Variants in PREX2 observed in about 807,000 individuals in gnomAD.
The protein encoded by PREX2 is phosphatidylinositol-3,4,5-trisphosphate dependent Rac exchange factor 2.
PREX2 carries 107 observed loss-of-function variants against 203.2 expected under a neutral mutation model. That is an observed-to-expected ratio of 0.53 (90% confidence interval 0.45 to 0.62). The LOEUF (loss-of-function observed/expected upper bound fraction) is 0.62. Among genes scored for constraint, PREX2 ranks in the 20% least tolerant of loss-of-function variants. The pLI, the probability that PREX2 is intolerant of heterozygous loss-of-function variation, is 0.00. For synonymous variants in PREX2, 672 were observed against 663.6 expected (o/e 1.01, Z -0.19); for missense variants, 1,777 against 1,955.9 (o/e 0.91, Z 1.72).
At chr8:67,969,946 C>T (rs1383466045) in intron 1 of PREX2, among the ~76,000 whole-genome samples, 2 of 152,126 alleles carry the variant, frequency 1.3e-5, no homozygotes, top group South Asian at 2.1e-4. Context: ...AGTCTCACTC[C>T]GGTCTGAAAA....
At chr8:68,198,395 C>T (rs1171444002) in intron 37 of PREX2, among the ~76,000 whole-genome samples, 2 of 152,154 alleles carry the variant, frequency 1.3e-5, no homozygotes, top group Non-Finnish European at 2.9e-5. Flanking sequence ...ATTGAGTCAG[C>T]ACTGTGGCTT....
chr8:68,103,611 C>G (rs765733064), intron 23 of PREX2: 3 of 519,126 alleles, frequency 5.8e-6, no homozygotes, highest in Non-Finnish European at 1.2e-5. Flanking sequence ...TCATTACCCT[C>G]AACACACTCC....
At chr8:68,184,611 A>C (rs1812152584) in intron 35 of PREX2, among the ~76,000 whole-genome samples, 1 of 152,016 alleles carries the variant, frequency 6.6e-6, no homozygotes, top group African/African-American at 2.4e-5. Context: ...ATATCTCATA[A>C]GCAATGGTCT....
At chr8:68,057,189 C>T (rs1371117098) in intron 10 of PREX2, among the ~76,000 whole-genome samples, 4 of 152,104 alleles carry the variant, frequency 2.6e-5, no homozygotes, top group African/African-American at 7.2e-5. Context: ...AGGGGCTCTT[C>T]CTCCTTCACT....
intron 1 of PREX2, among the ~76,000 whole-genome samples, chr8:67,958,830 T>C (rs1563470214): frequency 6.6e-6 from 1 of 152,102 alleles, no homozygotes; most frequent in Non-Finnish European, 1.5e-5. Context: ...GGTAGTGTCA[T>C]TGACTGAGAA....
intron 8 of PREX2, among the ~76,000 whole-genome samples, chr8:68,051,168 ACACTTATGCGGTGGCAGGAG>A (rs1220534681): frequency 1.3e-5 from 2 of 152,092 alleles, no homozygotes; most frequent in Non-Finnish European, 2.9e-5. Flanking sequence ...GCCCCGGGGT[ACACTTATGCGGTGGCAGGAG>A]CATGACTTGA....
chr8:68,080,289 A>G (rs907562115), intron 15 of PREX2, among the ~76,000 whole-genome samples, 154 bp from the exon 16 acceptor site: 3 of 151,972 alleles, frequency 2.0e-5, no homozygotes, highest in African/African-American at 7.3e-5. Context: ...AGAGAAAAAA[A>G]ACAAAACCCG....
At chr8:68,185,827 C>T (rs1812178251) in intron 35 of PREX2, among the ~76,000 whole-genome samples, 1 of 148,414 alleles carries the variant, frequency 6.7e-6, no homozygotes, top group Non-Finnish European at 1.5e-5. Flanking sequence ...AGGAAACATA[C>T]TCTGCAGCCC....
intron 14 of PREX2, among the ~76,000 whole-genome samples, chr8:68,073,980 T>A (rs1809273399): frequency 6.6e-6 from 1 of 152,110 alleles, no homozygotes; most frequent in African/African-American, 2.4e-5. Flanking sequence ...GTTGCCTTTT[T>A]TTTTTTAGAC....
At chr8:67,954,167 G>A (rs866278015) in intron 1 of PREX2, among the ~76,000 whole-genome samples, 2 of 152,152 alleles carry the variant, frequency 1.3e-5, no homozygotes, top group South Asian at 2.1e-4. Context: ...AGTGTGGAAA[G>A]TATAAAATAA....
At chr8:68,015,280 C>T (rs940822177) in intron 1 of PREX2, among the ~76,000 whole-genome samples, 9 of 152,268 alleles carry the variant, frequency 5.9e-5, no homozygotes, top group Middle Eastern at 3.4e-3. Context: ...ATCGTTTTCA[C>T]GATTTTGCGT....
rs1313400666 is a variant in PREX2 at position 68,236,461 on chromosome 8, CTG to C, written c.*5087_*5088del. 5 of 152,154 alleles carry C rather than the reference CTG, an allele frequency of 3.3e-5. No homozygotes were observed. The highest frequency in any genetic ancestry group is 1.2e-4 in the African/African-American group (5 of 41,442). The allele number at this position is 152,154 out of a possible 1,614,324, so 9.4% of individuals were successfully genotyped here. On this transcript the variant is annotated 3_prime_UTR_variant, in exon 40 of 40. Transcript: ENST00000288368. ...GGTGTCTCTGTGTGTTATTGATCATCTGTGTCTTTTGCTTAAAATGGCATTAT... is the reference window on the plus strand; with the variant it reads ...GGTGTCTCTGTGTGTTATTGATCATCTGTCTTTTGCTTAAAATGGCATTAT...
chr8:68,025,855 C>T (rs890535280), intron 4 of PREX2, among the ~76,000 whole-genome samples: 19 of 152,124 alleles, frequency 1.2e-4, no homozygotes, highest in African/African-American at 2.9e-4. Flanking sequence ...GAATTGAGTT[C>T]GCAATCTATA....
intron 17 of PREX2, 124 bp from the exon 18 acceptor site, chr8:68,083,116 C>T (rs993465250): frequency 3.3e-5 from 20 of 609,064 alleles, no homozygotes; most frequent in Middle Eastern, 4.6e-4. Context: ...TATAAAAACA[C>T]GGCAGGTGTG....
At chr8:68,038,015 ATAAC>A (rs1452274330) in intron 6 of PREX2, 140 bp from the exon 7 acceptor site, 3 of 809,174 alleles carry the variant, frequency 3.7e-6, no homozygotes, top group Non-Finnish European at 5.8e-6. Context: ...CAATCAGTGT[ATAAC>A]TATCTCTACT....
Position 68,040,096 on chromosome 8 carries a change from A to G in PREX2, c.839+1804A>G, listed in dbSNP as rs562985241. ...CAGGATAGAGTGCAATGGTATGATC[A>G]TAGCTCTCTACAACCTTGAACTTCT... is the stretch of plus-strand genomic sequence containing the variant. On this transcript the variant is annotated intron_variant, in intron 7 of 39. Transcript: ENST00000288368. 2.6e-5 allele frequency among the ~76,000 whole-genome samples: 4 copies of G among 152,180 alleles called. No homozygotes were observed. The East Asian group carries it at 7.7e-4, about 29-fold the overall frequency.
At chr8:67,954,154 G>A (rs1805429620) in intron 1 of PREX2, among the ~76,000 whole-genome samples, 1 of 152,172 alleles carries the variant, frequency 6.6e-6, no homozygotes, top group African/African-American at 2.4e-5. Flanking sequence ...AGTTAGGTAA[G>A]AAAGTGTGGA....
intron 38 of PREX2, among the ~76,000 whole-genome samples, chr8:68,218,616 A>G (rs1812891474): frequency 6.6e-6 from 1 of 152,158 alleles, no homozygotes. Flanking sequence ...TACTTTGTTT[A>G]TTGGAAGCTT....
chr8:68,170,558 G>A (rs954682171), intron 35 of PREX2, among the ~76,000 whole-genome samples: 4 of 152,194 alleles, frequency 2.6e-5, no homozygotes, highest in African/African-American at 9.7e-5. Flanking sequence ...AATAAACTGA[G>A]CTAGCAGAAA....
Sources: gnomAD v4.1 joint callset for allele counts (sites outside exome capture counted in the v4.1 genomes callset) on GRCh38, gnomAD v4.1.1 for gene constraint, MANE v1.5 for transcripts, NCBI Gene and HGNC (gene_info 2026-07-23, HGNC 2026-07-21) for gene names.